The following SLC35F4 variants were observed in gnomAD, a reference collection of about 807,000 sequenced individuals.
The protein encoded by SLC35F4 is solute carrier family 35 member F4.
Under a neutral mutation model 44.2 loss-of-function variants are expected in SLC35F4, and 24 were observed. The ratio of observed to expected loss-of-function variants is 0.54; its 90% CI spans 0.39 to 0.76. The LOEUF (loss-of-function observed/expected upper bound fraction) is 0.76. Ranked by LOEUF, SLC35F4 falls within the 30% of genes least tolerant of loss-of-function variation. SLC35F4 has a pLI of 0.00. For synonymous variants in SLC35F4, 238 were observed against 223.6 expected (o/e 1.06, Z -0.57); for missense variants, 562 against 586.1 (o/e 0.96, Z 0.42).
intron 1 of SLC35F4, among the ~76,000 whole-genome samples, chr14:57,952,983 T>C (rs1305827779): frequency 6.6e-6 from 1 of 151,740 alleles, no homozygotes; most frequent in Non-Finnish European, 1.5e-5. Context: ...AGACACATGA[T>C]CATCAGATTC....
At chr14:57,738,215 T>C (rs2076513301) in intron 1 of SLC35F4, among the ~76,000 whole-genome samples, 1 of 152,160 alleles carries the variant, frequency 6.6e-6, no homozygotes, top group East Asian at 1.9e-4. Flanking sequence ...CAAAAACTTT[T>C]GTTGAGTGTC....
At chr14:57,612,706 C>T (rs148853871) in intron 1 of SLC35F4, among the ~76,000 whole-genome samples, 71 of 152,338 alleles carry the variant, frequency 4.7e-4, no homozygotes, top group African/African-American at 1.6e-3. Flanking sequence ...TAATTATGCT[C>T]TACTGTGTTC....
intron 1 of SLC35F4, among the ~76,000 whole-genome samples, chr14:57,902,520 G>A (rs377617881): frequency 6.0e-5 from 9 of 149,716 alleles, no homozygotes; most frequent in African/African-American, 2.2e-4. Context: ...CCGAGATCAC[G>A]CCATTGCACT....
intron 1 of SLC35F4, among the ~76,000 whole-genome samples, chr14:57,857,962 A>G (rs181785810): frequency 5.3e-4 from 81 of 152,176 alleles, no homozygotes; most frequent in African/African-American, 1.7e-3. Flanking sequence ...GAGAAATGCA[A>G]ATCAAAACCA....
intron 1 of SLC35F4, among the ~76,000 whole-genome samples, chr14:57,680,884 G>A (rs1437090075): frequency 6.6e-6 from 1 of 151,932 alleles, no homozygotes; most frequent in African/African-American, 2.4e-5. Context: ...ACAAACAAAT[G>A]GAAAAACATT....
intron 1 of SLC35F4, among the ~76,000 whole-genome samples, chr14:57,733,673 A>C (rs999539136): frequency 2.0e-5 from 3 of 152,090 alleles, no homozygotes; most frequent in African/African-American, 2.4e-5. Flanking sequence ...CAAAAGCTGA[A>C]TTTCAAACAT....
At chr14:57,754,552 A>C (rs1363193460) in intron 1 of SLC35F4, among the ~76,000 whole-genome samples, 2 of 152,214 alleles carry the variant, frequency 1.3e-5, no homozygotes, top group Non-Finnish European at 2.9e-5. Context: ...CAGATTTATT[A>C]AATTATTCTA....
At chr14:57,581,772 G>A (rs967617746) in intron 3 of SLC35F4, among the ~76,000 whole-genome samples, 1 of 152,256 alleles carries the variant, frequency 6.6e-6, no homozygotes. Flanking sequence ...GCTATTGGAA[G>A]AGGGTGGGCA....
At chr14:57,678,879 G>A (rs2074794202) in intron 1 of SLC35F4, among the ~76,000 whole-genome samples, 1 of 151,994 alleles carries the variant, frequency 6.6e-6, no homozygotes, top group Non-Finnish European at 1.5e-5. Context: ...CATAAAGCAA[G>A]TTCTTATGGA....
chr14:57,823,671 C>A (rs769660661), intron 1 of SLC35F4, among the ~76,000 whole-genome samples: 6 of 152,104 alleles, frequency 3.9e-5, no homozygotes, highest in Non-Finnish European at 7.4e-5. Flanking sequence ...GGGCAACTTG[C>A]AATCTGACAC....
At chr14:57,638,862 A>G (rs540808103) in intron 1 of SLC35F4, among the ~76,000 whole-genome samples, 282 of 152,192 alleles carry the variant, frequency 1.9e-3, no homozygotes, top group Non-Finnish European at 2.6e-3. Flanking sequence ...CCCTATCAAG[A>G]GGTCCTCTTG....
intron 1 of SLC35F4, among the ~76,000 whole-genome samples, chr14:57,626,088 C>T (rs9743999): frequency 0.065 from 9,588 of 146,936 alleles, 881 homozygotes; most frequent in African/African-American, 0.21. Context: ...AACCAAACAC[C>T]TCATGTTTTC....
At chr14:57,799,794 G>T (rs1459864403) in intron 1 of SLC35F4, among the ~76,000 whole-genome samples, 1 of 152,192 alleles carries the variant, frequency 6.6e-6, no homozygotes, top group Non-Finnish European at 1.5e-5. Flanking sequence ...TCCTCACTGG[G>T]TGGGACCTTC....
chr14:57,588,058 C>T (rs550983988), intron 3 of SLC35F4, among the ~76,000 whole-genome samples: 16 of 151,880 alleles, frequency 1.1e-4, no homozygotes, highest in African/African-American at 3.6e-4. Flanking sequence ...TGGTGGCGGG[C>T]GCTTGTAACC....
intron 1 of SLC35F4, among the ~76,000 whole-genome samples, chr14:57,850,416 G>T (rs1886449787): frequency 6.6e-6 from 1 of 152,110 alleles, no homozygotes; most frequent in South Asian, 2.1e-4. Context: ...CAAGAATTTT[G>T]TTTTTAATCA....
chr14:57,791,942 C>A (rs1322246913), intron 1 of SLC35F4, among the ~76,000 whole-genome samples: 2 of 148,484 alleles, frequency 1.3e-5, no homozygotes, highest in Non-Finnish European at 3.0e-5. Flanking sequence ...GGGAGGGGAA[C>A]ATCACACACT....
intron 1 of SLC35F4, among the ~76,000 whole-genome samples, chr14:57,772,369 TTC>T (rs2077385468): frequency 7.4e-6 from 1 of 134,616 alleles, no homozygotes; most frequent in Non-Finnish European, 1.5e-5. Flanking sequence ...TTTTTGTTTG[TTC>T]TTTTAGTTTT....
At chr14:57,852,770 C>T (rs142923256) in intron 1 of SLC35F4, among the ~76,000 whole-genome samples, 31 of 152,296 alleles carry the variant, frequency 2.0e-4, no homozygotes, top group Non-Finnish European at 3.8e-4. Context: ...TATAACTGAA[C>T]ATGGGCTTCA....
At chr14:57,645,287 T>G (rs2140176693) in intron 1 of SLC35F4, among the ~76,000 whole-genome samples, 1 of 152,312 alleles carries the variant, frequency 6.6e-6, no homozygotes, top group Admixed American at 6.5e-5. Context: ...TGTATCCTCT[T>G]TTATTTCATT....
Sources: allele counts gnomAD v4.1 joint callset (sites outside exome capture counted in the v4.1 genomes callset), GRCh38; gene constraint gnomAD v4.1.1; transcripts MANE v1.5; gene names NCBI Gene and HGNC (gene_info 2026-07-23, HGNC 2026-07-21).